PTPRG: variants seen among roughly 807,000 people sequenced by gnomAD.
The protein encoded by PTPRG is receptor-type tyrosine-protein phosphatase gamma.
PTPRG carries 102 observed loss-of-function variants against 165.3 expected under a neutral mutation model. The observed-to-expected ratio is 0.62, with a 90% CI of 0.53 to 0.73. The LOEUF (loss-of-function observed/expected upper bound fraction) is 0.73. Among genes scored for constraint, PTPRG ranks in the 30% least tolerant of loss-of-function variants. PTPRG has a pLI of 0.00. For missense variants in PTPRG, 1,866 were observed against 1,861.4 expected (o/e 1.00, Z -0.05); for synonymous variants, 675 against 669.5 (o/e 1.01, Z -0.13).
chr3:61,925,531 G>A (rs2039186860), intron 2 of PTPRG, among the ~76,000 whole-genome samples: 1 of 152,174 alleles, frequency 6.6e-6, no homozygotes, highest in Non-Finnish European at 1.5e-5. Context: ...ATCACCTGAG[G>A]TGAGGAGTTC....
At chr3:62,274,907 A>G (rs1430339001) in intron 23 of PTPRG, among the ~76,000 whole-genome samples, 2 of 151,456 alleles carry the variant, frequency 1.3e-5, no homozygotes, top group African/African-American at 2.4e-5. Context: ...CGTTTCTTCA[A>G]TTTTTTTTTA....
At chr3:61,639,725 A>G (rs1233811521) in intron 1 of PTPRG, among the ~76,000 whole-genome samples, 2 of 152,190 alleles carry the variant, frequency 1.3e-5, no homozygotes, top group Non-Finnish European at 2.9e-5. Flanking sequence ...TTATTGGTCT[A>G]TAGAAATGCT....
chr3:61,742,564 T>C, intron 1 of PTPRG: 4 of 1,593,542 alleles, frequency 2.5e-6, no homozygotes, highest in Non-Finnish European at 3.4e-6. Flanking sequence ...CAGGTGAATG[T>C]TATACACAAG....
chr3:61,860,441 T>TG (rs1468538379), intron 2 of PTPRG, among the ~76,000 whole-genome samples: 2 of 105,862 alleles, frequency 1.9e-5, no homozygotes, highest in African/African-American at 1.2e-4. Flanking sequence ...TTCCTTTTTT[T>TG]TTTTTTTTTT....
At chr3:61,674,880 AT>A (rs1214915376) in intron 1 of PTPRG, among the ~76,000 whole-genome samples, 1 of 152,168 alleles carries the variant, frequency 6.6e-6, no homozygotes, top group Non-Finnish European at 1.5e-5. Flanking sequence ...TATTCAAGAA[AT>A]TTCCTAGTGC....
At chr3:61,657,483 T>TA (rs1460446766) in intron 1 of PTPRG, among the ~76,000 whole-genome samples, 6 of 152,082 alleles carry the variant, frequency 3.9e-5, no homozygotes, top group African/African-American at 1.4e-4. Flanking sequence ...CAAAATAAAA[T>TA]AAAAAAATAA....
chr3:61,992,189 G>C (rs1295929897), intron 3 of PTPRG, among the ~76,000 whole-genome samples: 1 of 151,788 alleles, frequency 6.6e-6, no homozygotes, highest in East Asian at 1.9e-4. Context: ...CTGTAGGAAG[G>C]GTTTTTAAAA....
rs2040264040 is a variant in PTPRG at position 61,966,086 on chromosome 3, C to T, written c.191-23539C>T. 2.6e-5 allele frequency among the ~76,000 whole-genome samples: 4 copies of T among 152,228 alleles called. No homozygotes were observed. The South Asian group carries it at 8.3e-4, about 31-fold the overall frequency. On this transcript the variant is annotated intron_variant, in intron 2 of 29. Coordinates refer to ENST00000474889, the MANE Select transcript of PTPRG (RefSeq NM_002841.4). ...AAAGAAGGAGGTTTAACCATAGCTA[C>T]TATACCTCCGCCCTGAATATGTGAC...
intron 2 of PTPRG, among the ~76,000 whole-genome samples, chr3:61,802,595 T>C (rs375662906): frequency 1.2e-4 from 19 of 152,362 alleles, no homozygotes; most frequent in African/African-American, 4.3e-4. Flanking sequence ...CATTGGAGCC[T>C]ATTATCCAGA....
intron 2 of PTPRG, among the ~76,000 whole-genome samples, chr3:61,870,375 G>A (rs1346768143): frequency 7.1e-6 from 1 of 141,010 alleles, no homozygotes; most frequent in East Asian, 2.1e-4. Flanking sequence ...GCAATGGTAT[G>A]ATCTCAGCTC....
In PTPRG at chr3:62,087,760, A is replaced by G. The variant is rs1039679039; in HGVS notation, c.615+9502A>G. 8.5e-5 allele frequency among the ~76,000 whole-genome samples: 13 copies of G among 152,298 alleles called. 1 individual carries two copies. Among genetic ancestry groups the G allele is most frequent in the African/African-American group, 2.6e-4 (11 of 41,566 alleles). On this transcript the variant is annotated intron_variant, in intron 5 of 29. Coordinates refer to ENST00000474889, the MANE Select transcript of PTPRG (RefSeq NM_002841.4). ...TTGAAGAGGGTAGAGGGAGAAGTAT[A>G]TATTATTGGTCCCAGTTATTGTCAT...
At chr3:61,838,310 A>G (rs1195492553) in intron 2 of PTPRG, among the ~76,000 whole-genome samples, 1 of 152,244 alleles carries the variant, frequency 6.6e-6, no homozygotes, top group African/African-American at 2.4e-5. Flanking sequence ...AATTAACCCT[A>G]GAAGTTGGGC....
At chr3:62,269,237 A>G in intron 20 of PTPRG, 68 bp downstream of exon 20, 1 of 1,435,778 alleles carries the variant, frequency 7.0e-7, no homozygotes, top group Non-Finnish European at 9.3e-7. Flanking sequence ...TTACTGTACA[A>G]CCAAGGCCAA....
chr3:62,156,189 C>T (rs1234896865), intron 6 of PTPRG, among the ~76,000 whole-genome samples: 1 of 152,060 alleles, frequency 6.6e-6, no homozygotes, highest in Non-Finnish European at 1.5e-5. Context: ...TTTTCTTTAC[C>T]TTGTTTGCCC....
intron 3 of PTPRG, among the ~76,000 whole-genome samples, chr3:61,990,923 C>G (rs968610037): frequency 6.9e-6 from 1 of 144,072 alleles, no homozygotes; most frequent in Non-Finnish European, 1.5e-5. Flanking sequence ...TTTTAAATAA[C>G]CTAACTGGCT....
rs185833069 is a variant in PTPRG at position 61,967,238 on chromosome 3, T to C, written c.191-22387T>C. ...CAGGCCTTATCTTTGTCCGCACATCTGGTTGGGAGATGGGTCTGTCAGTGG... is the reference window on the plus strand; with the variant it reads ...CAGGCCTTATCTTTGTCCGCACATCCGGTTGGGAGATGGGTCTGTCAGTGG... On this transcript the variant is annotated intron_variant, in intron 2 of 29. Coordinates refer to ENST00000474889, the MANE Select transcript of PTPRG (RefSeq NM_002841.4). Among the ~76,000 whole-genome samples, 77 of 152,330 alleles carry C rather than the reference T, an allele frequency of 5.1e-4. 1 individual carries two copies. The highest frequency in any genetic ancestry group is 1.7e-3 in the African/African-American group (71 of 41,586).
intron 1 of PTPRG, among the ~76,000 whole-genome samples, chr3:61,584,120 C>T (rs934652238): frequency 2.6e-5 from 4 of 152,168 alleles, no homozygotes; most frequent in African/African-American, 7.2e-5. Context: ...GGGACAGCCT[C>T]TCTGGAGGAG....
chr3:61,855,194 G>A (rs1464412385), intron 2 of PTPRG, among the ~76,000 whole-genome samples: 1 of 152,152 alleles, frequency 6.6e-6, no homozygotes, highest in East Asian at 1.9e-4. Flanking sequence ...CTTAAGACAT[G>A]AGCCACCTGT....
At chr3:61,692,329 A>C (rs565650649) in intron 1 of PTPRG, among the ~76,000 whole-genome samples, 26 of 152,250 alleles carry the variant, frequency 1.7e-4, no homozygotes, top group Non-Finnish European at 3.8e-4. Context: ...TCAGCTATAA[A>C]ATGTAAATAA....
Sources: gnomAD v4.1 joint callset for allele counts (sites outside exome capture counted in the v4.1 genomes callset) on GRCh38, gnomAD v4.1.1 for gene constraint, MANE v1.5 for transcripts, NCBI Gene and HGNC (gene_info 2026-07-23, HGNC 2026-07-21) for gene names.